The following GRID2 variants were observed in gnomAD, a reference collection of about 807,000 sequenced individuals.
GRID2 encodes glutamate receptor ionotropic, delta-2.
A neutral mutation model predicts 114.8 loss-of-function variants in GRID2; 33 were observed. The observed-to-expected ratio is 0.29, with a 90% CI of 0.22 to 0.38. The LOEUF (loss-of-function observed/expected upper bound fraction) is 0.38. GRID2 is among the 10% of genes least tolerant of loss of function. The pLI is 1.00. For synonymous variants in GRID2, 505 were observed against 449.9 expected, an observed-to-expected ratio of 1.12 and a Z score of -1.55; for missense variants, 1,184 against 1,257.7, an observed-to-expected ratio of 0.94 and a Z score of 0.89.
chr4:92,545,208 G>GT (rs962704644), intron 1 of GRID2, among the ~76,000 whole-genome samples: 8 of 138,158 alleles, frequency 5.8e-5, no homozygotes, highest in African/African-American at 2.2e-4. Context: ...GCTAAAGAAA[G>GT]TAAAAAAAAA....
At chr4:93,620,544 T>C (rs779973351) in intron 13 of GRID2, among the ~76,000 whole-genome samples, 7 of 152,182 alleles carry the variant, frequency 4.6e-5, no homozygotes, top group African/African-American at 1.7e-4. Flanking sequence ...ATGATGGAGA[T>C]GTCAGAACAG....
intron 2 of GRID2, among the ~76,000 whole-genome samples, chr4:92,899,641 T>C (rs1038667601): frequency 6.6e-6 from 1 of 152,194 alleles, no homozygotes; most frequent in African/African-American, 2.4e-5. Flanking sequence ...AACACTATGA[T>C]CTTCAGATCT....
In GRID2 at chr4:92,434,898, G is replaced by A. The variant is rs1008519052; in HGVS notation, c.88+130154G>A. On this transcript the variant is annotated intron_variant, in intron 1 of 15. Transcript: ENST00000282020. ...ATCCCTATAATGCTGTAGAAAATTC[G>A]AATATTTAAAAATAGAAGATTACTT... Among the ~76,000 whole-genome samples, 6 of 152,000 alleles carry A rather than the reference G, an allele frequency of 3.9e-5. No individual in the cohort carries two copies. The South Asian group carries it at 6.2e-4, about 16-fold the overall frequency.
chr4:93,369,339 A>G (rs900537129), intron 8 of GRID2, among the ~76,000 whole-genome samples: 1 of 151,820 alleles, frequency 6.6e-6, no homozygotes, highest in African/African-American at 2.4e-5. Flanking sequence ...AATCTAGAAC[A>G]CTCTCCCCTC....
At chr4:92,442,178 G>T (rs1410881105) in intron 1 of GRID2, among the ~76,000 whole-genome samples, 1 of 146,214 alleles carries the variant, frequency 6.8e-6, no homozygotes, top group Non-Finnish European at 1.5e-5. Flanking sequence ...CTGAAGCTTG[G>T]CGTCCGTGAT....
chr4:92,333,931 A>G (rs184741224), intron 1 of GRID2, among the ~76,000 whole-genome samples: 15 of 152,138 alleles, frequency 9.9e-5, no homozygotes, highest in South Asian at 2.1e-4. Context: ...AGGTCTCACT[A>G]TGTTACCCAG....
chr4:93,303,261 C>T (rs1755062979), intron 8 of GRID2, among the ~76,000 whole-genome samples: 1 of 152,186 alleles, frequency 6.6e-6, no homozygotes, highest in Admixed American at 6.5e-5. Flanking sequence ...TGGGCAGGGA[C>T]ATAAATCCAA....
At chr4:92,819,901 T>C (rs1022961416) in intron 2 of GRID2, among the ~76,000 whole-genome samples, 2 of 152,146 alleles carry the variant, frequency 1.3e-5, no homozygotes, top group African/African-American at 4.8e-5. Flanking sequence ...TTTGATAATA[T>C]ATGAATAATA....
At chr4:92,819,625 T>TA (rs1015468454) in intron 2 of GRID2, among the ~76,000 whole-genome samples, 3 of 151,542 alleles carry the variant, frequency 2.0e-5, no homozygotes, top group Admixed American at 1.3e-4. Flanking sequence ...TCTTACTATT[T>TA]AAAAAAAATA....
At chr4:92,985,380 G>A (rs1380400657) in intron 2 of GRID2, among the ~76,000 whole-genome samples, 1 of 151,684 alleles carries the variant, frequency 6.6e-6, no homozygotes, top group East Asian at 2.0e-4. Context: ...GACTACAGGC[G>A]CCCGCCACCA....
At chr4:93,322,288 C>T (rs1312461247) in intron 8 of GRID2, among the ~76,000 whole-genome samples, 1 of 152,056 alleles carries the variant, frequency 6.6e-6, no homozygotes, top group East Asian at 1.9e-4. Flanking sequence ...TGAGTGAGAA[C>T]ATGTGGTGTT....
intron 1 of GRID2, among the ~76,000 whole-genome samples, chr4:92,310,942 A>G (rs1376770264): frequency 6.6e-6 from 1 of 152,116 alleles, no homozygotes; most frequent in Non-Finnish European, 1.5e-5. Flanking sequence ...AGAACTCTTT[A>G]AATTGAAGAT....
rs1745267935 is a variant in GRID2, at chr4:93,224,557, T to C, written c.964-57T>C. On this transcript the variant is annotated intron_variant, in intron 6 of 15. Transcript: ENST00000282020. ...CAGTTGAGACAATTATTTTTTTTCC[T>C]TATTCCTGATGACTGGTGTCAATGA... is the stretch of plus-strand genomic sequence containing the variant. The C allele has an allele frequency of 2.4e-5, 28 of 1,143,870 alleles. No individual in the cohort carries two copies. In the South Asian group the frequency reaches 3.3e-4, roughly 14 times the overall value. 70.9% of individuals were successfully genotyped at this position (1,143,870 alleles called of 1,614,324 possible).
At chr4:92,817,138 A>G (rs889220134) in intron 2 of GRID2, among the ~76,000 whole-genome samples, 32 of 152,050 alleles carry the variant, frequency 2.1e-4, no homozygotes, top group African/African-American at 7.5e-4. Context: ...GTCATGTTCA[A>G]TCTGTCTTTT....
At chr4:93,176,236 T>A (rs762622509) in intron 4 of GRID2, among the ~76,000 whole-genome samples, 3 of 152,172 alleles carry the variant, frequency 2.0e-5, no homozygotes, top group Non-Finnish European at 4.4e-5. Flanking sequence ...ATATTCCAAA[T>A]AAGCTATAGA....
At chr4:93,111,961 A>G (rs1391316986) in intron 4 of GRID2, 3 of 152,152 alleles carry the variant, frequency 2.0e-5, no homozygotes, top group African/African-American at 7.2e-5. Context: ...TTTTAATAGG[A>G]AACTTCATTA....
At chr4:93,510,136 C>T (rs1377276795) in intron 12 of GRID2, among the ~76,000 whole-genome samples, 5 of 152,250 alleles carry the variant, frequency 3.3e-5, no homozygotes, top group East Asian at 3.9e-4. Context: ...CTATCAGCCA[C>T]GTTCCATTTT....
At chr4:92,910,909 A>C (rs1748327155) in intron 2 of GRID2, among the ~76,000 whole-genome samples, 2 of 150,576 alleles carry the variant, frequency 1.3e-5, no homozygotes, top group Non-Finnish European at 3.0e-5. Context: ...CAATTAAAAA[A>C]ATATTTTCCA....
chr4:92,910,326 G>C (rs912423110), intron 2 of GRID2, among the ~76,000 whole-genome samples: 1 of 152,066 alleles, frequency 6.6e-6, no homozygotes. Flanking sequence ...CTGCTGAGCA[G>C]ATCTGAGGTG....
Sources: allele counts gnomAD v4.1 joint callset (sites outside exome capture counted in the v4.1 genomes callset), GRCh38; gene constraint gnomAD v4.1.1; transcripts MANE v1.5; gene names NCBI Gene and HGNC (gene_info 2026-07-23, HGNC 2026-07-21).